The following POLR1F variants were observed in gnomAD, a reference collection of about 807,000 sequenced individuals.
POLR1F encodes DNA-directed RNA polymerase I subunit RPA43.
A neutral mutation model predicts 21.8 loss-of-function variants in POLR1F; 23 were observed. The observed-to-expected ratio is 1.05, with a 90% CI of 0.76 to 1.49. The LOEUF (loss-of-function observed/expected upper bound fraction) is 1.49. Ranked by LOEUF, POLR1F falls within the 40% of genes most tolerant of loss-of-function variation. POLR1F has a pLI of 0.00. For synonymous variants in POLR1F, 162 were observed against 152.8 expected, an observed-to-expected ratio of 1.06 and a Z score of -0.45; for missense variants, 435 against 412.1, an observed-to-expected ratio of 1.06 and a Z score of -0.48.
In POLR1F at chr7:19,704,921, C is replaced by T. The variant is rs1427755069; in HGVS notation, c.255-1G>A. The T allele has an allele frequency of 4.5e-6, 7 of 1,556,932 alleles. No individual in the cohort carries two copies. The highest frequency in any genetic ancestry group is 4.6e-5 in the Admixed American group (2 of 43,636). On this transcript the variant is annotated splice_acceptor_variant, in intron 1 of 3. Transcript: ENST00000222567. LOFTEE classifies it high-confidence loss of function. Reference sequence around the variant, plus strand: ...ATATGCAATAGGGACACCTAAAAGGCTGTAAAAAGAAAAAGTTGAAAATGA... The same window carrying T: ...ATATGCAATAGGGACACCTAAAAGGTTGTAAAAAGAAAAAGTTGAAAATGA...
intron 2 of POLR1F, among the ~76,000 whole-genome samples, chr7:19,703,824 C>T (rs1156565968): frequency 1.3e-5 from 2 of 152,102 alleles, no homozygotes; most frequent in Non-Finnish European, 2.9e-5. Context: ...AAACTCCTGG[C>T]CTCAAGTGAT....
chr7:19,701,306 ATTC>A lies in POLR1F; in HGVS notation c.397-1029_397-1027del, dbSNP rs1169929321. Among the ~76,000 whole-genome samples the A allele has an allele frequency of 3.3e-5, 5 of 152,358 alleles. No homozygotes were observed. In the South Asian group the frequency reaches 8.3e-4, roughly 25 times the overall value. Reference sequence around the variant, plus strand: ...TCAATTTGAAAAGGATACATACTCTATTCTTCTTCTTTAAAAAGGCAAAACTAC... The same window carrying A: ...TCAATTTGAAAAGGATACATACTCTATTCTTCTTTAAAAAGGCAAAACTAC... On this transcript the variant is annotated intron_variant, in intron 2 of 3. Transcript: ENST00000222567.
At chr7:19,706,303 T>A (rs1783523774) in intron 1 of POLR1F, among the ~76,000 whole-genome samples, 1 of 152,148 alleles carries the variant, frequency 6.6e-6, no homozygotes, top group Non-Finnish European at 1.5e-5. Context: ...TAAGACAATG[T>A]TAGGGACACA....
intron 1 of POLR1F, 80 bp from the exon 2 acceptor site, chr7:19,705,000 G>A (rs1474262127): frequency 7.0e-7 from 1 of 1,436,502 alleles, no homozygotes; most frequent in African/African-American, 1.5e-5. Context: ...GTCTTGCTCT[G>A]TCACCCAGGA....
chr7:19,707,074 A>G (rs779060259), intron 1 of POLR1F, among the ~76,000 whole-genome samples: 4 of 152,290 alleles, frequency 2.6e-5, no homozygotes, highest in Non-Finnish European at 4.4e-5. Context: ...GTGTTTCCAA[A>G]TGTTATGACT....
intron 1 of POLR1F, among the ~76,000 whole-genome samples, chr7:19,707,658 A>T (rs1783548412): frequency 6.6e-6 from 1 of 152,170 alleles, no homozygotes; most frequent in African/African-American, 2.4e-5. Flanking sequence ...CAAGATCCAA[A>T]TTCTACACTC....
At chr7:19,702,899 G>A (rs74769828) in intron 2 of POLR1F, among the ~76,000 whole-genome samples, 3,671 of 152,290 alleles carry the variant, frequency 0.024, 57 homozygotes, top group South Asian at 0.061. Context: ...CAGAGTAAAT[G>A]AAGTGTTGAA....
intron 2 of POLR1F, 87 bp downstream of exon 2, chr7:19,704,692 C>G: frequency 8.4e-7 from 1 of 1,193,060 alleles, no homozygotes; most frequent in Non-Finnish European, 1.2e-6. Flanking sequence ...TATTTGAGTC[C>G]CAAGGTATAT....
chr7:19,704,967 T>A, intron 1 of POLR1F, 47 bp from the exon 2 acceptor site: 1 of 1,531,994 alleles, frequency 6.5e-7, no homozygotes, highest in Non-Finnish European at 8.7e-7. Flanking sequence ...CGTCTTTTAT[T>A]TATTTATGTT....
intron 1 of POLR1F, 140 bp from the exon 2 acceptor site, chr7:19,705,060 C>G: frequency 4.0e-6 from 3 of 747,746 alleles, no homozygotes; most frequent in Non-Finnish European, 6.1e-6. Context: ...ACCTCCTGGG[C>G]TCAATTGATC....
At chr7:19,704,198 A>G (rs1456702299) in intron 2 of POLR1F, among the ~76,000 whole-genome samples, 1 of 152,250 alleles carries the variant, frequency 6.6e-6, no homozygotes, top group Non-Finnish European at 1.5e-5. Flanking sequence ...ACAAGTATAC[A>G]TACGAACATG....
rs199908969 is a variant in POLR1F at position 19,698,736 on chromosome 7, TA to T, written c.606-10del. 0.025 allele frequency: 37,820 copies of T among 1,499,756 alleles called. 677 individuals are homozygous for T. The highest frequency in any genetic ancestry group is 0.065 in the Middle Eastern group (361 of 5,550). 92.9% of individuals were successfully genotyped at this position (1,499,756 alleles called of 1,614,324 possible). A position where few individuals can be genotyped will look rare whatever the true frequency, so the allele number is the denominator to read the frequency against. ...AGCGCTTGAATTGTAAACTATAAAT[TA>T]ACAGTTAAAAAAATTAACAGAACAA... On this transcript the variant is annotated splice_polypyrimidine_tract_variant and intron_variant, in intron 3 of 3. Coordinates refer to ENST00000222567, the MANE Select transcript of POLR1F (RefSeq NM_001002926.2).
intron 2 of POLR1F, 99 bp from the exon 3 acceptor site, chr7:19,700,379 C>T: frequency 1.1e-6 from 1 of 880,802 alleles, no homozygotes. Context: ...CTTCAAAGAA[C>T]AAACATCAAA....
chr7:19,696,453 A>C lies in POLR1F; in HGVS notation c.*1863T>G, dbSNP rs1783365929. Reference sequence around the variant, plus strand: ...TTTCCAGGAATAGCATAAATTTGCCATCTTTCTTGTGTCTATGGAAAAGGG... The same window carrying C: ...TTTCCAGGAATAGCATAAATTTGCCCTCTTTCTTGTGTCTATGGAAAAGGG... On this transcript the variant is annotated 3_prime_UTR_variant, in exon 4 of 4. Coordinates refer to ENST00000222567, the MANE Select transcript of POLR1F (RefSeq NM_001002926.2). 1.3e-5 allele frequency: 2 copies of C among 152,074 alleles called. No homozygotes were observed. The allele number at this position is 152,074 out of a possible 1,614,324, so 9.4% of individuals were successfully genotyped here.
rs914329718 is a variant in POLR1F, at chr7:19,698,608, C to T, written c.725G>A (p.Ser242Asn). 1 of 1,613,156 alleles carries T rather than the reference C, an allele frequency of 6.2e-7. No homozygotes were observed. Among genetic ancestry groups the T allele is most frequent in the African/African-American group, 1.3e-5 (1 of 74,844 alleles). ...KKDPETYEVD[S>N]GTTKLADDAD... is the part of the protein sequence containing the mutation. ...ATCATCTGCTAGCTTTGTGGTACCA[C>T]TGTCCACTTCATATGTCTCTGGGTC... The change falls in exon 4 of 4, where the codon AGT becomes AAT. Residue 242 changes from serine to asparagine, a missense_variant. By Grantham distance (46) the Ser-to-Asn change is conservative (BLOSUM62 1). Coordinates refer to ENST00000222567, the MANE Select transcript of POLR1F (RefSeq NM_001002926.2).
chr7:19,704,850 G>A lies in POLR1F; in HGVS notation c.325C>T (p.Gln109Ter), dbSNP rs779902279. The A allele has an allele frequency of 1.2e-6, 2 of 1,609,078 alleles. No individual in the cohort carries two copies. The highest frequency in any genetic ancestry group is 2.2e-5 in the East Asian group (1 of 44,634). The change falls in exon 2 of 4, where the codon CAA (glutamine) becomes TAA (stop). Residue 109 changes from glutamine (Q) to a stop codon, truncating the protein, a stop_gained. Transcript: ENST00000222567. LOFTEE classifies it high-confidence loss of function. The part of the protein sequence containing the change: ...VGELGDIYDD[Q>*]GHIHLNIEAD... ...TCAATGTTAAGATGAATGTGTCCTT[G>A]ATCATCATAAATATCTCCAAGCTCT...
chr7:19,697,712 G>GA lies in POLR1F; in HGVS notation c.*603dup, dbSNP rs1347047489. 7.0e-6 allele frequency: 1 copy of GA among 142,308 alleles called. No homozygotes were observed. 8.8% of individuals were successfully genotyped at this position (142,308 alleles called of 1,614,324 possible). ...GACAAGGACACACATGCACTTGGAA[G>GA]AAAGAAAAGAAAATAATGAATAGCA... On this transcript the variant is annotated 3_prime_UTR_variant, in exon 4 of 4. Coordinates refer to ENST00000222567, the MANE Select transcript of POLR1F (RefSeq NM_001002926.2).
chr7:19,700,173 G>T lies in POLR1F; in HGVS notation c.504C>A (p.Thr168=), dbSNP rs755463947. 3 of 1,613,894 alleles carry T rather than the reference G, an allele frequency of 1.9e-6. No individual in the cohort carries two copies. The highest frequency in any genetic ancestry group is 2.5e-6 in the Non-Finnish European group (3 of 1,179,836). The part of the protein sequence containing the change: ...PEQLSAEQWQ[T]MEINMGDELE... ...GTTCATCACCCATGTTTATCTCCAT[G>T]GTTTGCCACTGCTCAGCTGACAACT... The change falls in exon 3 of 4, where the codon ACC becomes ACA. Residue 168 remains threonine, a synonymous_variant. Coordinates refer to ENST00000222567, the MANE Select transcript of POLR1F (RefSeq NM_001002926.2).
chr7:19,698,691 A>G lies in POLR1F; in HGVS notation c.642T>C (p.Val214=), dbSNP rs1049437227. 1.3e-6 allele frequency: 2 copies of G among 1,566,222 alleles called. No homozygotes were observed. The highest frequency in any genetic ancestry group is 1.7e-4 in the Middle Eastern group (1 of 5,826). ...CAGCTTCCTCAGTGCCATTTTCTGT[A>G]ACTTCTTCAGAAACTTCAGAGCGCT... The part of the protein sequence containing the change: ...QFKRSEVSEE[V]TENGTEEAAK... The change falls in exon 4 of 4, where the codon GTT becomes GTC. Residue 214 remains valine (V), a synonymous_variant. Coordinates refer to ENST00000222567, the MANE Select transcript of POLR1F (RefSeq NM_001002926.2).
Sources: allele counts gnomAD v4.1 joint callset (sites outside exome capture counted in the v4.1 genomes callset), GRCh38; gene constraint gnomAD v4.1.1; transcripts MANE v1.5; gene names NCBI Gene and HGNC (gene_info 2026-07-23, HGNC 2026-07-21).